The following FOXJ3 variants were observed in gnomAD, a reference collection of about 807,000 sequenced individuals.
FOXJ3 encodes the protein forkhead box protein J3.
In FOXJ3, 22 loss-of-function variants were observed where a neutral mutation model predicts 76.1. The ratio of observed to expected loss-of-function variants is 0.29; its 90% CI spans 0.21 to 0.41. The LOEUF (loss-of-function observed/expected upper bound fraction) is 0.41, where lower values mean the gene tolerates loss of function less well. Among genes scored for constraint, FOXJ3 ranks in the 10% least tolerant of loss-of-function variants. The probability of loss-of-function intolerance (pLI) is 1.00; values close to 1 mark genes in which losing one functional copy is unlikely to be tolerated. For synonymous variants in FOXJ3, 269 were observed against 261.2 expected, an observed-to-expected ratio of 1.03 and a Z score of -0.29; for missense variants, 613 against 762.1, an observed-to-expected ratio of 0.80 and a Z score of 2.30.
intron 5 of FOXJ3, among the ~76,000 whole-genome samples, chr1:42,207,465 C>G (rs1251085239): frequency 3.9e-5 from 6 of 152,200 alleles, no homozygotes; most frequent in Admixed American, 6.5e-5. Flanking sequence ...GATAACTCCT[C>G]TCTCTAAGAA....
At chr1:42,200,069 G>A (rs1162255203) in intron 6 of FOXJ3, among the ~76,000 whole-genome samples, 1 of 141,150 alleles carries the variant, frequency 7.1e-6, no homozygotes, top group Non-Finnish European at 1.5e-5. Flanking sequence ...ATATTATCAC[G>A]AATAGGAGTT....
At chr1:42,267,010 G>A (rs564701784) in intron 3 of FOXJ3, among the ~76,000 whole-genome samples, 5 of 152,094 alleles carry the variant, frequency 3.3e-5, no homozygotes, top group Non-Finnish European at 1.5e-5. Flanking sequence ...ACTACCTTGG[G>A]CCCAGGATCC....
chr1:42,255,500 T>C (rs1459693123), intron 4 of FOXJ3, among the ~76,000 whole-genome samples: 2 of 152,164 alleles, frequency 1.3e-5, no homozygotes, highest in Non-Finnish European at 1.5e-5. Context: ...CCAATAATCA[T>C]ATTAAATACA....
chr1:42,292,894 A>ATGTCAAGAACAG (rs1653534444), intron 2 of FOXJ3, among the ~76,000 whole-genome samples: 1 of 152,178 alleles, frequency 6.6e-6, no homozygotes, highest in African/African-American at 2.4e-5. Context: ...TGAGCTCAGG[A>ATGTCAAGAACAG]TGTCAAGAAC....
chr1:42,296,774 C>T (rs1653816569), intron 2 of FOXJ3, among the ~76,000 whole-genome samples: 2 of 152,108 alleles, frequency 1.3e-5, no homozygotes, highest in Admixed American at 6.5e-5. Context: ...TGCTTAGGAT[C>T]GCTCTGGCTG....
chr1:42,224,691 A>T (rs1366357403), intron 5 of FOXJ3, among the ~76,000 whole-genome samples: 1 of 151,934 alleles, frequency 6.6e-6, no homozygotes, highest in East Asian at 1.9e-4. Flanking sequence ...GAAAGAAAAA[A>T]TAATATTAGG....
At position 42,179,033 on chromosome 1, in the gene FOXJ3, T is replaced by C. The variant is rs1646266990; in HGVS notation, c.*677A>G. 6.5e-6 allele frequency: 1 copy of C among 152,750 alleles called. No individual in the cohort carries two copies. The highest frequency in any genetic ancestry group is 2.4e-5 in the African/African-American group (1 of 41,580). The allele number at this position is 152,750 out of a possible 1,614,324, so 9.5% of individuals were successfully genotyped here. ...TAGAAAAGCAGACATAAATACTCTATGATCCCCCAAGCATCAAAACCAATT... is the reference window on the plus strand; with the variant it reads ...TAGAAAAGCAGACATAAATACTCTACGATCCCCCAAGCATCAAAACCAATT... On this transcript the variant is annotated 3_prime_UTR_variant, in exon 13 of 13. Coordinates refer to ENST00000361346, the MANE Select transcript of FOXJ3 (RefSeq NM_014947.5).
chr1:42,284,598 G>C (rs889308868), intron 2 of FOXJ3, among the ~76,000 whole-genome samples: 2 of 152,182 alleles, frequency 1.3e-5, no homozygotes, highest in African/African-American at 4.8e-5. Flanking sequence ...AACTGAGGTA[G>C]GTGAGTGTAC....
chr1:42,290,249 A>G (rs1217673262), intron 2 of FOXJ3, among the ~76,000 whole-genome samples: 1 of 152,142 alleles, frequency 6.6e-6, no homozygotes, highest in Admixed American at 6.5e-5. Flanking sequence ...GTTCAAAAAA[A>G]TAAGTAGGAA....
intron 4 of FOXJ3, among the ~76,000 whole-genome samples, chr1:42,244,639 A>G (rs989871042): frequency 7.3e-6 from 1 of 136,260 alleles, no homozygotes; most frequent in African/African-American, 2.5e-5. Flanking sequence ...ATACACTGAC[A>G]GCCACACTAA....
intron 4 of FOXJ3, among the ~76,000 whole-genome samples, chr1:42,230,788 T>C (rs1569964128): frequency 1.4e-5 from 2 of 145,530 alleles, no homozygotes; most frequent in South Asian, 4.4e-4. Context: ...CTGTAGAAAA[T>C]ATGGCAATTC....
intron 5 of FOXJ3, among the ~76,000 whole-genome samples, chr1:42,215,774 G>A (rs1647052023): frequency 6.6e-6 from 1 of 152,178 alleles, no homozygotes; most frequent in South Asian, 2.1e-4. Context: ...CAGAAATGAT[G>A]GAGGTCATAA....
intron 4 of FOXJ3, among the ~76,000 whole-genome samples, chr1:42,240,117 A>G (rs1466631927): frequency 6.6e-6 from 1 of 152,206 alleles, no homozygotes; most frequent in Non-Finnish European, 1.5e-5. Flanking sequence ...ATATTGGAGG[A>G]GGGAATACTT....
chr1:42,238,240 G>T (rs1346182572), intron 4 of FOXJ3, among the ~76,000 whole-genome samples: 2 of 152,010 alleles, frequency 1.3e-5, no homozygotes, highest in African/African-American at 4.8e-5. Flanking sequence ...TCACCACATT[G>T]GCCAGGCTGC....
chr1:42,309,671 T>A (rs1021638549), intron 2 of FOXJ3, among the ~76,000 whole-genome samples: 3 of 152,342 alleles, frequency 2.0e-5, no homozygotes, highest in African/African-American at 7.2e-5. Flanking sequence ...AGATGCTCAA[T>A]ATGCTAGATG....
chr1:42,191,554 T>G lies in FOXJ3; in HGVS notation c.1100A>C (p.Gln367Pro). The change falls in exon 9 of 13, where the codon CAG becomes CCG. Residue 367 changes from glutamine (Q) to proline (P), a missense_variant. Gln to Pro is a moderately conservative substitution (Grantham distance 76). This residue lies in a region of FOXJ3 where 526 missense variants were observed against 601.4 expected (regional missense o/e 0.87). Transcript: ENST00000361346. ...LNTTGSNSVAQVSLSHPQMHT... is the reference protein window; with the variant it reads ...LNTTGSNSVAPVSLSHPQMHT... ...CATCTGGGGGTGAGACAGTGAGACC[T>G]GTGCAACCGAATTACTGCCTGTGGT... 6.2e-7 allele frequency: 1 copy of G among 1,614,108 alleles called. No homozygotes were observed. The highest frequency in any genetic ancestry group is 1.1e-5 in the South Asian group (1 of 91,076).
intron 5 of FOXJ3, among the ~76,000 whole-genome samples, chr1:42,212,330 A>G (rs1296717264): frequency 6.6e-6 from 1 of 152,238 alleles, no homozygotes; most frequent in East Asian, 1.9e-4. Flanking sequence ...AAATTTAAAA[A>G]AACAATTCAG....
At chr1:42,295,534 T>TTTTTTTTTG (rs1653730669) in intron 2 of FOXJ3, among the ~76,000 whole-genome samples, 1 of 144,446 alleles carries the variant, frequency 6.9e-6, no homozygotes, top group Non-Finnish European at 1.5e-5. Context: ...TTTTTTTTTT[T>TTTTTTTTTG]TTTTTTTTTG....
At chr1:42,277,493 T>C (rs1652359541) in intron 3 of FOXJ3, among the ~76,000 whole-genome samples, 1 of 140,260 alleles carries the variant, frequency 7.1e-6, no homozygotes, top group Non-Finnish European at 1.5e-5. Flanking sequence ...AAATCCCATC[T>C]CTACTAAAAA....
Sources: gnomAD v4.1 joint callset for allele counts (sites outside exome capture counted in the v4.1 genomes callset) on GRCh38, gnomAD v4.1.1 for gene constraint, gnomAD v4.1.1 regional missense constraint, MANE v1.5 for transcripts, NCBI Gene and HGNC (gene_info 2026-07-23, HGNC 2026-07-21) for gene names.